RBMS1: variants seen among roughly 807,000 people sequenced by gnomAD.
RBMS1 encodes RNA-binding motif, single-stranded-interacting protein 1.
Under a neutral mutation model 62.3 loss-of-function variants are expected in RBMS1, and 17 were observed. The observed-to-expected ratio is 0.27, with a 90% CI of 0.19 to 0.41. RBMS1 has a LOEUF of 0.41. Ranked by LOEUF, RBMS1 falls within the 10% of genes least tolerant of loss-of-function variation. The probability of loss-of-function intolerance (pLI) is 1.00; values close to 1 mark genes in which losing one functional copy is unlikely to be tolerated. For synonymous variants in RBMS1, 172 were observed against 170.0 expected (o/e 1.01, Z -0.09); for missense variants, 334 against 504.5 (o/e 0.66, Z 3.24).
chr2:160,324,731 T>C (rs891516122), intron 2 of RBMS1, among the ~76,000 whole-genome samples: 1 of 151,164 alleles, frequency 6.6e-6, no homozygotes, highest in African/African-American at 2.4e-5. Context: ...GGGATTGAAA[T>C]GAGAAAAAGA....
chr2:160,438,916 G>A (rs6725626), intron 1 of RBMS1, among the ~76,000 whole-genome samples: 15,920 of 149,008 alleles, frequency 0.11, 909 homozygotes, highest in East Asian at 0.23. Flanking sequence ...CCTCCTGGAC[G>A]GGGCGGCTGG....
intron 1 of RBMS1, among the ~76,000 whole-genome samples, chr2:160,408,124 C>T (rs976709612): frequency 2.0e-5 from 3 of 151,742 alleles, no homozygotes; most frequent in South Asian, 2.1e-4. Flanking sequence ...GGGTCTGGCT[C>T]CCCGCATGCC....
chr2:160,423,988 T>C (rs899626618), intron 1 of RBMS1, among the ~76,000 whole-genome samples: 7 of 152,018 alleles, frequency 4.6e-5, no homozygotes, highest in Non-Finnish European at 7.4e-5. Context: ...TTAAAATTTA[T>C]TGACTTGGAA....
At chr2:160,425,554 A>G (rs1240886017) in intron 1 of RBMS1, among the ~76,000 whole-genome samples, 6 of 152,142 alleles carry the variant, frequency 3.9e-5, no homozygotes, top group Non-Finnish European at 8.8e-5. Context: ...AGGAGAAGCA[A>G]TGAGGTAGAG....
intron 1 of RBMS1, among the ~76,000 whole-genome samples, chr2:160,378,656 AAGAGTACACTC>A (rs1369609917): frequency 6.6e-6 from 1 of 151,978 alleles, no homozygotes; most frequent in Non-Finnish European, 1.5e-5. Flanking sequence ...TTTCTGTCAT[AAGAGTACACTC>A]AGAGTCAACT....
chr2:160,319,060 T>G (rs1690394379), intron 2 of RBMS1, among the ~76,000 whole-genome samples: 1 of 152,212 alleles, frequency 6.6e-6, no homozygotes, highest in African/African-American at 2.4e-5. Flanking sequence ...AGCATACTGC[T>G]ACTGAAAACG....
intron 1 of RBMS1, among the ~76,000 whole-genome samples, chr2:160,438,541 A>T (rs892186218): frequency 1.4e-4 from 22 of 152,278 alleles, no homozygotes; most frequent in Non-Finnish European, 2.9e-4. Context: ...CCCTGAGTGG[A>T]CACAGCACAT....
intron 1 of RBMS1, among the ~76,000 whole-genome samples, chr2:160,455,044 A>G (rs1684159821): frequency 6.6e-6 from 1 of 152,232 alleles, no homozygotes; most frequent in African/African-American, 2.4e-5. Context: ...CTTCAGGTAC[A>G]CAAAGTTACA....
chr2:160,325,316 G>C (rs1690861656), intron 2 of RBMS1, among the ~76,000 whole-genome samples: 1 of 152,114 alleles, frequency 6.6e-6, no homozygotes, highest in South Asian at 2.1e-4. Context: ...ACATGACATT[G>C]GTCTATCTTG....
intron 2 of RBMS1, among the ~76,000 whole-genome samples, chr2:160,321,188 T>C (rs1287199697): frequency 1.3e-5 from 2 of 152,142 alleles, no homozygotes; most frequent in African/African-American, 4.8e-5. Context: ...TCAGTAGTGC[T>C]GAATGCAAGC....
intron 10 of RBMS1, 95 bp from the exon 11 acceptor site, chr2:160,278,753 T>A (rs551026128): frequency 2.4e-5 from 18 of 759,896 alleles, no homozygotes; most frequent in Non-Finnish European, 3.8e-5. Flanking sequence ...TTAGTTTGTT[T>A]AAGAATGTGA....
chr2:160,407,526 A>C (rs1416068746), intron 1 of RBMS1: 23 of 986,238 alleles, frequency 2.3e-5, no homozygotes, highest in Non-Finnish European at 2.8e-5. Flanking sequence ...CTGCTGGGGA[A>C]GATCATCGCT....
chr2:160,488,871 T>G (rs1260578410), intron 1 of RBMS1, among the ~76,000 whole-genome samples: 1 of 152,178 alleles, frequency 6.6e-6, no homozygotes, highest in Non-Finnish European at 1.5e-5. Context: ...ATTTAAAAGC[T>G]AGATGCCGAA....
intron 1 of RBMS1, among the ~76,000 whole-genome samples, chr2:160,394,450 G>A (rs983294148): frequency 2.0e-5 from 3 of 152,078 alleles, no homozygotes; most frequent in African/African-American, 7.2e-5. Context: ...AAATTTAGAG[G>A]ACAAAAGAAT....
chr2:160,357,942 G>A (rs1411459636), intron 2 of RBMS1, among the ~76,000 whole-genome samples: 1 of 152,014 alleles, frequency 6.6e-6, no homozygotes, highest in Non-Finnish European at 1.5e-5. Context: ...GTGAAATCTG[G>A]GGATTTCCAA....
chr2:160,403,049 G>C (rs1695516852), intron 1 of RBMS1, among the ~76,000 whole-genome samples: 1 of 152,158 alleles, frequency 6.6e-6, no homozygotes, highest in Admixed American at 6.5e-5. Flanking sequence ...AACCTGAAGT[G>C]AACTATGGAA....
At chr2:160,485,130 G>A (rs1452483075) in intron 1 of RBMS1, among the ~76,000 whole-genome samples, 1 of 152,070 alleles carries the variant, frequency 6.6e-6, no homozygotes, top group Non-Finnish European at 1.5e-5. Context: ...TTTAATTAGG[G>A]GGAAAAGGGA....
At chr2:160,442,582 T>C (rs573411695) in intron 1 of RBMS1, among the ~76,000 whole-genome samples, 1 of 152,244 alleles carries the variant, frequency 6.6e-6, no homozygotes, top group East Asian at 1.9e-4. Flanking sequence ...CTACAGCAGC[T>C]AGAGACTTTG....
chr2:160,490,358 T>G (rs1685770744), intron 1 of RBMS1, among the ~76,000 whole-genome samples: 1 of 151,822 alleles, frequency 6.6e-6, no homozygotes, highest in Non-Finnish European at 1.5e-5. Flanking sequence ...TACTTGAAAT[T>G]TATGTAACTC....
Sources: gnomAD v4.1 joint callset for allele counts (sites outside exome capture counted in the v4.1 genomes callset) on GRCh38, gnomAD v4.1.1 for gene constraint, MANE v1.5 for transcripts, NCBI Gene and HGNC (gene_info 2026-07-23, HGNC 2026-07-21) for gene names.